The following SLC22A3 variants were observed in gnomAD, a reference collection of about 807,000 sequenced individuals.
SLC22A3 encodes solute carrier family 22 member 3, also known as EMT organic cation transporter 3.
In SLC22A3, 51 loss-of-function variants were observed where a neutral mutation model predicts 59.1. The observed-to-expected ratio is 0.86, with a 90% CI of 0.69 to 1.09. The LOEUF (loss-of-function observed/expected upper bound fraction) is 1.09, where lower values mean the gene tolerates loss of function less well. Among genes scored for constraint, SLC22A3 ranks in the 50% least tolerant of loss-of-function variants. SLC22A3 has a pLI of 0.00. For missense variants in SLC22A3, 711 were observed against 726.3 expected, an observed-to-expected ratio of 0.98 and a Z score of 0.24; for synonymous variants, 325 against 292.0, an observed-to-expected ratio of 1.11 and a Z score of -1.15.
intron 7 of SLC22A3, among the ~76,000 whole-genome samples, chr6:160,441,696 C>A (rs1373179945): frequency 6.8e-6 from 1 of 146,694 alleles, no homozygotes; most frequent in Non-Finnish European, 1.5e-5. Flanking sequence ...CCTCCTCATT[C>A]ATTTCTACTA....
chr6:160,376,369 G>A (rs1344614786), intron 1 of SLC22A3, among the ~76,000 whole-genome samples: 1 of 151,908 alleles, frequency 6.6e-6, no homozygotes, highest in African/African-American at 2.4e-5. Context: ...GTGGTGCGGA[G>A]AGGGGTGAGG....
At chr6:160,408,667 TA>T in intron 3 of SLC22A3, 85 bp from the exon 4 acceptor site, 1 of 1,308,258 alleles carries the variant, frequency 7.6e-7, no homozygotes, top group Non-Finnish European at 1.1e-6. Flanking sequence ...CTGATGGATG[TA>T]ACAGGTGTAA....
At chr6:160,421,598 T>A (rs1787741428) in intron 5 of SLC22A3, among the ~76,000 whole-genome samples, 1 of 152,158 alleles carries the variant, frequency 6.6e-6, no homozygotes, top group Non-Finnish European at 1.5e-5. Flanking sequence ...CCCGGCAGTA[T>A]TACAAACAAA....
intron 7 of SLC22A3, among the ~76,000 whole-genome samples, chr6:160,438,109 G>C (rs1328063454): frequency 6.6e-6 from 1 of 152,166 alleles, no homozygotes; most frequent in Non-Finnish European, 1.5e-5. Context: ...ACCTAGATGA[G>C]AGAGGGTCAT....
rs1292924143 is a variant in SLC22A3 at position 160,373,428 on chromosome 6, A to G, written c.430-24551A>G. 3.9e-5 allele frequency among the ~76,000 whole-genome samples: 6 copies of G among 152,122 alleles called. No individual in the cohort carries two copies. In the East Asian group the frequency reaches 9.7e-4, roughly 24 times the overall value. On this transcript the variant is annotated intron_variant, in intron 1 of 10. Transcript: ENST00000275300. ...CAGATGTGAGCCAGAGCTCTTTTGT[A>G]TGAGGTGTTTGTCAACCCTTGCTGG...
intron 1 of SLC22A3, among the ~76,000 whole-genome samples, chr6:160,384,757 C>G (rs1785932320): frequency 6.6e-6 from 1 of 152,142 alleles, no homozygotes; most frequent in African/African-American, 2.4e-5. Flanking sequence ...TCTCTGTGGG[C>G]CTCATTGTGA....
At chr6:160,401,935 A>T in intron 2 of SLC22A3, among the ~76,000 whole-genome samples, 1 of 151,980 alleles carries the variant, frequency 6.6e-6, no homozygotes, top group East Asian at 1.9e-4. Context: ...ATGAAACCAC[A>T]AAAGCCAGGA....
In SLC22A3 at chr6:160,452,115, T is replaced by G. The variant is rs1788990934; in HGVS notation, c.*1059T>G. The G allele has an allele frequency of 6.6e-6, 1 of 152,226 alleles. No individual in the cohort carries two copies. The highest frequency in any genetic ancestry group is 2.4e-5 in the African/African-American group (1 of 41,458). 9.4% of individuals were successfully genotyped at this position (152,226 alleles called of 1,614,324 possible). A position where few individuals can be genotyped will look rare whatever the true frequency, so the allele number is the denominator to read the frequency against. On this transcript the variant is annotated 3_prime_UTR_variant, in exon 11 of 11. Coordinates refer to ENST00000275300, the MANE Select transcript of SLC22A3 (RefSeq NM_021977.4). ...TTACAGAGACTAATAAGGGATTTGA[T>G]CTTTCTTTTTTTGTTATCGAGGCTT...
In SLC22A3 at chr6:160,379,533, GTCAGTGAAAATCTGCATTATTATTA is replaced by G. The variant is rs540406865; in HGVS notation, c.430-18443_430-18419del. On this transcript the variant is annotated intron_variant, in intron 1 of 10. Coordinates refer to ENST00000275300, the MANE Select transcript of SLC22A3 (RefSeq NM_021977.4). The stretch of plus-strand genomic sequence containing the variant: ...TTTTCCAAATCAAAGAACCATAAAA[GTCAGTGAAAATCTGCATTATTATTA>G]TCCTGTGTGTTTAGTTTTGCTTTTT... 2.4e-3 allele frequency among the ~76,000 whole-genome samples: 370 copies of G among 152,270 alleles called. 6 individuals carry two copies. Among genetic ancestry groups the G allele is most frequent in the Admixed American group, 0.024 (370 of 15,288 alleles).
At chr6:160,447,989 A>C (rs936926621) in intron 10 of SLC22A3, among the ~76,000 whole-genome samples, 171 bp downstream of exon 10, 1 of 152,220 alleles carries the variant, frequency 6.6e-6, no homozygotes, top group Non-Finnish European at 1.5e-5. Context: ...CATAAAAAAA[A>C]CCCTCCAGAG....
chr6:160,372,438 T>G (rs1335737905), intron 1 of SLC22A3, among the ~76,000 whole-genome samples: 1 of 152,214 alleles, frequency 6.6e-6, no homozygotes, highest in East Asian at 1.9e-4. Flanking sequence ...CATTTTTTCC[T>G]TCATTTCAAC....
At chr6:160,373,572 G>C (rs1422844142) in intron 1 of SLC22A3, among the ~76,000 whole-genome samples, 1 of 152,176 alleles carries the variant, frequency 6.6e-6, no homozygotes, top group Non-Finnish European at 1.5e-5. Context: ...GAGCTGGCAG[G>C]CAGGAACGTT....
chr6:160,354,567 G>A (rs1784766679), intron 1 of SLC22A3, among the ~76,000 whole-genome samples: 1 of 152,226 alleles, frequency 6.6e-6, no homozygotes, highest in Non-Finnish European at 1.5e-5. Flanking sequence ...TTGGCCAGTT[G>A]TGGTGGTTCA....
At chr6:160,397,492 T>G (rs1786528890) in intron 1 of SLC22A3, among the ~76,000 whole-genome samples, 1 of 151,814 alleles carries the variant, frequency 6.6e-6, no homozygotes, top group African/African-American at 2.4e-5. Context: ...TCCCAGCACT[T>G]TGGGAGTTTG....
chr6:160,428,393 C>T (rs1788039796), intron 5 of SLC22A3, among the ~76,000 whole-genome samples: 1 of 152,232 alleles, frequency 6.6e-6, no homozygotes, highest in South Asian at 2.1e-4. Flanking sequence ...GGTGACCAGA[C>T]TCGCTCAGTG....
chr6:160,442,852 G>T lies in SLC22A3; in HGVS notation c.1380G>T (p.Leu460Phe). ...FEIVYLVNSE[L>F]YPTTLRNFGV... ...TTGTTTATTTGGTAAATTCAGAATT[G>T]TACCCAACAACATTACGGTAATTCT... Residue 460 changes from leucine to phenylalanine, a missense_variant, in exon 8 of 11, where the codon TTG (leucine) becomes TTT (phenylalanine). By Grantham distance (22) the Leu-to-Phe change is conservative. Coordinates refer to ENST00000275300, the MANE Select transcript of SLC22A3 (RefSeq NM_021977.4). 1 of 1,612,298 alleles carries T rather than the reference G, an allele frequency of 6.2e-7. No homozygotes were observed. The highest frequency in any genetic ancestry group is 8.5e-7 in the Non-Finnish European group (1 of 1,178,414).
intron 5 of SLC22A3, among the ~76,000 whole-genome samples, chr6:160,433,624 C>T (rs1788234144): frequency 6.6e-6 from 1 of 152,076 alleles, no homozygotes; most frequent in Admixed American, 6.6e-5. Context: ...GGGAGGATTG[C>T]TTGAGTCGGG....
intron 1 of SLC22A3, among the ~76,000 whole-genome samples, chr6:160,357,068 G>T (rs1440034767): frequency 6.6e-6 from 1 of 152,204 alleles, no homozygotes; most frequent in Non-Finnish European, 1.5e-5. Context: ...AGATTCTAGT[G>T]CCCTGTAGAG....
chr6:160,389,236 G>C (rs1405964588), intron 1 of SLC22A3, among the ~76,000 whole-genome samples: 1 of 152,116 alleles, frequency 6.6e-6, no homozygotes, highest in Non-Finnish European at 1.5e-5. Context: ...CCTTAATCAT[G>C]AGCCATTTTT....
Sources: allele counts gnomAD v4.1 joint callset (sites outside exome capture counted in the v4.1 genomes callset), GRCh38; gene constraint gnomAD v4.1.1; transcripts MANE v1.5; gene names NCBI Gene and HGNC (gene_info 2026-07-23, HGNC 2026-07-21).